CCDC85A: variants seen among roughly 807,000 people sequenced by gnomAD.
CCDC85A encodes the protein coiled-coil domain containing 85A, also known as coiled-coil domain-containing protein 85A.
A neutral mutation model predicts 50.2 loss-of-function variants in CCDC85A; 38 were observed. The ratio of observed to expected loss-of-function variants is 0.76; its 90% CI spans 0.58 to 0.99. CCDC85A has a LOEUF of 0.99. Among genes scored for constraint, CCDC85A ranks in the 50% least tolerant of loss-of-function variants. The pLI is 0.00. For synonymous variants in CCDC85A, 366 were observed against 301.4 expected (o/e 1.21, Z -2.22); for missense variants, 820 against 742.0 (o/e 1.11, Z -1.22).
At chr2:56,269,779 A>G (rs190380921) in intron 2 of CCDC85A, among the ~76,000 whole-genome samples, 1 of 152,320 alleles carries the variant, frequency 6.6e-6, no homozygotes, top group African/African-American at 2.4e-5. Flanking sequence ...ATTTGCAAAT[A>G]TTAGGCTGAC....
intron 2 of CCDC85A, among the ~76,000 whole-genome samples, chr2:56,316,053 G>A (rs114048883): frequency 4.1e-4 from 62 of 152,242 alleles, no homozygotes; most frequent in African/African-American, 1.5e-3. Context: ...GGGACACCTG[G>A]ATTCAGACGG....
intron 2 of CCDC85A, among the ~76,000 whole-genome samples, chr2:56,313,137 T>G (rs1440677569): frequency 6.6e-6 from 1 of 152,170 alleles, no homozygotes; most frequent in Admixed American, 6.6e-5. Flanking sequence ...TCCTGAACAT[T>G]CATGGCTGTT....
At chr2:56,379,723 T>G in intron 5 of CCDC85A, 1 of 843,004 alleles carries the variant, frequency 1.2e-6, no homozygotes, top group Non-Finnish European at 1.4e-6. Context: ...CCATGTGAAA[T>G]TTGCTTTTCT....
intron 3 of CCDC85A, among the ~76,000 whole-genome samples, chr2:56,345,379 G>C (rs1211576749): frequency 6.6e-6 from 1 of 152,136 alleles, no homozygotes; most frequent in Non-Finnish European, 1.5e-5. Context: ...CAATGTTTTA[G>C]TTTTAGTTAT....
chr2:56,243,428 C>T (rs1669355197), intron 2 of CCDC85A, among the ~76,000 whole-genome samples: 3 of 152,082 alleles, frequency 2.0e-5, no homozygotes, highest in South Asian at 2.1e-4. Flanking sequence ...CACTCTGATG[C>T]GTTCTTCAGT....
chr2:56,331,267 A>T (rs1673776325), intron 2 of CCDC85A, among the ~76,000 whole-genome samples: 1 of 152,134 alleles, frequency 6.6e-6, no homozygotes, highest in African/African-American at 2.4e-5. Flanking sequence ...ATAAGAAGTT[A>T]CTTAATGGGA....
At chr2:56,274,987 T>A (rs1379607802) in intron 2 of CCDC85A, among the ~76,000 whole-genome samples, 1 of 152,152 alleles carries the variant, frequency 6.6e-6, no homozygotes, top group Non-Finnish European at 1.5e-5. Context: ...TCTGTTCTTA[T>A]AAGGACACTA....
At chr2:56,327,484 T>C (rs1172954459) in intron 2 of CCDC85A, among the ~76,000 whole-genome samples, 1 of 152,152 alleles carries the variant, frequency 6.6e-6, no homozygotes, top group Non-Finnish European at 1.5e-5. Context: ...CTTGTGTATA[T>C]GTTCAGTTAT....
intron 2 of CCDC85A, among the ~76,000 whole-genome samples, chr2:56,308,773 A>T (rs1419860179): frequency 6.6e-6 from 1 of 152,146 alleles, no homozygotes; most frequent in East Asian, 1.9e-4. Context: ...TGCTGCATAC[A>T]CTTTCTCATT....
chr2:56,310,167 T>G (rs1450650531), intron 2 of CCDC85A, among the ~76,000 whole-genome samples: 2 of 152,276 alleles, frequency 1.3e-5, no homozygotes, highest in South Asian at 2.1e-4. Flanking sequence ...ACTTAGAGTT[T>G]ACAGTGAGAC....
intron 2 of CCDC85A, among the ~76,000 whole-genome samples, chr2:56,207,004 A>G (rs550755239): frequency 6.6e-6 from 1 of 152,326 alleles, no homozygotes; most frequent in African/African-American, 2.4e-5. Flanking sequence ...CCTGGGAGGC[A>G]GAAATATTCT....
intron 2 of CCDC85A, among the ~76,000 whole-genome samples, chr2:56,236,932 G>A (rs751617381): frequency 6.6e-6 from 1 of 152,124 alleles, no homozygotes; most frequent in Non-Finnish European, 1.5e-5. Flanking sequence ...CCCCTTCCCT[G>A]TAAGAATGAT....
intron 2 of CCDC85A, among the ~76,000 whole-genome samples, chr2:56,244,490 G>T (rs561950115): frequency 8.4e-4 from 128 of 151,914 alleles, no homozygotes; most frequent in African/African-American, 3.0e-3. Flanking sequence ...CCCAGCGTAG[G>T]TACAGAAGTG....
intron 2 of CCDC85A, among the ~76,000 whole-genome samples, chr2:56,248,941 A>G (rs1380087097): frequency 2.0e-5 from 3 of 152,256 alleles, no homozygotes; most frequent in Non-Finnish European, 4.4e-5. Context: ...TAAAGAGCAT[A>G]TCAGGGAAGT....
chr2:56,347,567 A>T (rs1674689436), intron 3 of CCDC85A, among the ~76,000 whole-genome samples: 1 of 152,150 alleles, frequency 6.6e-6, no homozygotes, highest in African/African-American at 2.4e-5. Context: ...CAAAAAGTGC[A>T]TTTTACAGGG....
chr2:56,213,715 A>G (rs550753344), intron 2 of CCDC85A, among the ~76,000 whole-genome samples: 59 of 152,044 alleles, frequency 3.9e-4, no homozygotes, highest in African/African-American at 1.3e-3. Context: ...ACTTTTAATG[A>G]CTGGATATTA....
intron 2 of CCDC85A, among the ~76,000 whole-genome samples, chr2:56,231,187 G>A (rs373291589): frequency 2.0e-5 from 3 of 152,306 alleles, no homozygotes; most frequent in South Asian, 2.1e-4. Flanking sequence ...TCTCATGGAA[G>A]AATTTGGAAG....
chr2:56,338,050 T>A (rs1674165556), intron 2 of CCDC85A, among the ~76,000 whole-genome samples: 1 of 152,172 alleles, frequency 6.6e-6, no homozygotes, highest in Non-Finnish European at 1.5e-5. Context: ...CCCAAAGTGC[T>A]GGGATTACAG....
chr2:56,382,841 G>A (rs767768896), intron 5 of CCDC85A, among the ~76,000 whole-genome samples: 45 of 151,992 alleles, frequency 3.0e-4, no homozygotes, highest in Non-Finnish European at 4.1e-4. Flanking sequence ...AGGTCCTTAA[G>A]TCTACCCTCT....
Sources: gnomAD v4.1 joint callset for allele counts (sites outside exome capture counted in the v4.1 genomes callset) on GRCh38, gnomAD v4.1.1 for gene constraint, MANE v1.5 for transcripts, NCBI Gene and HGNC (gene_info 2026-07-23, HGNC 2026-07-21) for gene names.